The following COL12A1 variants were observed in gnomAD, a reference collection of about 807,000 sequenced individuals.
The protein encoded by COL12A1 is collagen alpha-1(XII) chain.
A neutral mutation model predicts 349.7 loss-of-function variants in COL12A1; 114 were observed. The ratio of observed to expected loss-of-function variants is 0.33; its 90% confidence interval spans 0.28 to 0.38. The LOEUF (loss-of-function observed/expected upper bound fraction) is 0.38, where lower values mean the gene tolerates loss of function less well. COL12A1 is among the 10% of genes least tolerant of loss of function. COL12A1 has a pLI of 1.00. For missense variants in COL12A1, 3,284 were observed against 3,756.9 expected (o/e 0.87, Z 3.29); for synonymous variants, 1,369 against 1,329.0 (o/e 1.03, Z -0.66).
Position 75,181,230 on chromosome 6 carries a change from AGAC to A in COL12A1, c.1892-22_1892-20del, listed in dbSNP as rs1221385661. ...ACGTAAGCTATTTAAAAAAAAAAAA[AGAC>A]AGTTAAAAATGCTTGAATCTATAAA... On this transcript the variant is annotated intron_variant, in intron 10 of 65. Transcript: ENST00000322507. The A allele has an allele frequency of 1.3e-6, 2 of 1,553,742 alleles. No individual in the cohort carries two copies. The highest frequency in any genetic ancestry group is 2.4e-5 in the South Asian group (2 of 82,914).
At chr6:75,119,517 T>C (rs1769250789) in intron 44 of COL12A1, 44 bp from the exon 45 acceptor site, 1 of 1,559,754 alleles carries the variant, frequency 6.4e-7, no homozygotes, top group East Asian at 2.3e-5. Flanking sequence ...GTCATCTCAT[T>C]TTATGTTTCA....
chr6:75,112,049 T>C (rs1409598490), intron 51 of COL12A1, among the ~76,000 whole-genome samples: 1 of 151,844 alleles, frequency 6.6e-6, no homozygotes, highest in Non-Finnish European at 1.5e-5. Context: ...ACATCTGTCT[T>C]TTATGTATAA....
At chr6:75,139,100 AC>A in intron 27 of COL12A1, 139 bp from the exon 28 acceptor site, 1 of 887,786 alleles carries the variant, frequency 1.1e-6, no homozygotes, top group South Asian at 1.9e-5. Flanking sequence ...CAAATATTTC[AC>A]CAATTCCTAG....
At position 75,121,342 on chromosome 6, in the gene COL12A1, G is replaced by A. The variant is rs1231345150; in HGVS notation, c.7046C>T (p.Thr2349Ile). 6.2e-7 allele frequency: 1 copy of A among 1,612,268 alleles called. No homozygotes were observed. The highest frequency in any genetic ancestry group is 8.5e-7 in the Non-Finnish European group (1 of 1,178,764). The change falls in exon 44 of 66, where the codon ACT (threonine) becomes ATT (isoleucine). Residue 2349 changes from threonine to isoleucine, a missense_variant. Thr to Ile is a moderately conservative substitution (Grantham distance 89, BLOSUM62 -1). Around this residue, in one of 2 missense-constraint regions of COL12A1, gnomAD observed 683 missense variants for 932.1 expected, o/e 0.73. Transcript: ENST00000322507. ...FNKVVKFIFN[T>I]VGGFDEISPA... ...ACTGATTTCATCAAAGCCTCCCACA[G>A]TATTGAAGATGAATTTTACAACTTT...
intron 13 of COL12A1, among the ~76,000 whole-genome samples, chr6:75,174,412 C>T (rs1165558443): frequency 6.6e-6 from 1 of 152,062 alleles, no homozygotes; most frequent in Non-Finnish European, 1.5e-5. Context: ...AAAAATTAGC[C>T]AGGCGTGGTG....
chr6:75,101,744 T>A (rs1768315937), intron 57 of COL12A1, 91 bp from the exon 58 acceptor site: 1 of 1,392,660 alleles, frequency 7.2e-7, no homozygotes, highest in African/African-American at 1.4e-5. Flanking sequence ...TTTTTTTAAT[T>A]CCAGAGACTC....
At chr6:75,137,721 G>T (rs1766695013) in intron 30 of COL12A1, 142 bp from the exon 31 acceptor site, 2 of 914,244 alleles carry the variant, frequency 2.2e-6, no homozygotes, top group Non-Finnish European at 3.3e-6. Context: ...AATGGTTATT[G>T]ATTCTTAAAT....
chr6:75,166,554 T>G (rs1582164063), intron 13 of COL12A1, among the ~76,000 whole-genome samples: 2 of 152,150 alleles, frequency 1.3e-5, no homozygotes, highest in East Asian at 3.8e-4. Flanking sequence ...CACAAATGTC[T>G]TTCAATAAAA....
At chr6:75,113,126 A>G in intron 51 of COL12A1, 78 bp downstream of exon 51, 1 of 722,616 alleles carries the variant, frequency 1.4e-6, no homozygotes, top group African/African-American at 1.9e-5. Flanking sequence ...TGCCAATTTA[A>G]CATGACATTT....
chr6:75,187,264 G>T (rs1158342945), intron 8 of COL12A1, among the ~76,000 whole-genome samples: 1 of 151,316 alleles, frequency 6.6e-6, no homozygotes. Flanking sequence ...GGATACAGAG[G>T]CAGTACAGGC....
At chr6:75,111,309 G>A (rs947705018) in intron 51 of COL12A1, among the ~76,000 whole-genome samples, 8 of 151,786 alleles carry the variant, frequency 5.3e-5, no homozygotes, top group Non-Finnish European at 7.4e-5. Flanking sequence ...GAGCTTGTGA[G>A]GAGAAAAAAT....
rs17186509 is a variant in COL12A1, at chr6:75,117,312, T to C, written c.7519+70A>G. The C allele has an allele frequency of 0.24, 353,302 of 1,491,812 alleles. 46,431 individuals are homozygous for C. The highest frequency in any genetic ancestry group is 0.27 in the Non-Finnish European group (298,351 of 1,086,678). 92.4% of individuals were successfully genotyped at this position (1,491,812 alleles called of 1,614,324 possible). On this transcript the variant is annotated intron_variant, in intron 47 of 65. Transcript: ENST00000322507. Reference sequence around the variant, plus strand: ...CACAGACTTGATCCCACAAAGGATATAGAATTGTCTACTAAGTAATTGTTT... The same window carrying C: ...CACAGACTTGATCCCACAAAGGATACAGAATTGTCTACTAAGTAATTGTTT...
intron 11 of COL12A1, among the ~76,000 whole-genome samples, chr6:75,179,445 C>CTTCT (rs1406429012): frequency 6.6e-6 from 1 of 151,904 alleles, no homozygotes; most frequent in Non-Finnish European, 1.5e-5. Context: ...TGAGTACAGC[C>CTTCT]TTCTCCCTTA....
At chr6:75,174,297 C>T (rs1768795718) in intron 13 of COL12A1, among the ~76,000 whole-genome samples, 1 of 152,130 alleles carries the variant, frequency 6.6e-6, no homozygotes, top group South Asian at 2.1e-4. Flanking sequence ...GTGGCTCAGG[C>T]CTGTAATCCC....
chr6:75,175,916 A>G (rs758092427), intron 12 of COL12A1, among the ~76,000 whole-genome samples: 32 of 152,296 alleles, frequency 2.1e-4, no homozygotes, highest in Middle Eastern at 3.4e-3. Context: ...TTCTTTGTAG[A>G]TTGGTCATGT....
At chr6:75,166,077 T>TA (rs1056403053) in intron 13 of COL12A1, among the ~76,000 whole-genome samples, 1 of 151,430 alleles carries the variant, frequency 6.6e-6, no homozygotes, top group African/African-American at 2.4e-5. Context: ...TATTTGTCTT[T>TA]AAAAAAAAAT....
In COL12A1 at chr6:75,155,753, T is replaced by C; in HGVS notation, c.3352A>G (p.Lys1118Glu). ...TCCCCCGTAGGGTGGAATGTGACTTTATAACCCTTCACTTCCCCAGGGGCA... is the reference window on the plus strand; with the variant it reads ...TCCCCCGTAGGGTGGAATGTGACTTCATAACCCTTCACTTCCCCAGGGGCA... ...EPAPGEVKGY[K>E]VTFHPTGDDR... is the part of the protein sequence containing the mutation. Residue 1118 changes from lysine (K) to glutamate (E), a missense_variant, in exon 16 of 66, where the codon AAA (lysine) becomes GAA (glutamate). By Grantham distance (56) the Lys-to-Glu change is moderately conservative. Transcript: ENST00000322507. 6.2e-7 allele frequency: 1 copy of C among 1,613,724 alleles called. No homozygotes were observed.
intron 14 of COL12A1, among the ~76,000 whole-genome samples, chr6:75,163,873 T>C (rs1026245821): frequency 5.9e-5 from 9 of 152,170 alleles, no homozygotes; most frequent in African/African-American, 2.2e-4. Flanking sequence ...GCCTCCAACT[T>C]TTTGGAAAAA....
chr6:75,187,638 G>A (rs748772400), intron 8 of COL12A1, among the ~76,000 whole-genome samples: 1 of 152,122 alleles, frequency 6.6e-6, no homozygotes, highest in Non-Finnish European at 1.5e-5. Flanking sequence ...TTGACAAAAT[G>A]TTCAGAGATT....
Sources: allele counts gnomAD v4.1 joint callset (sites outside exome capture counted in the v4.1 genomes callset), GRCh38; gene constraint gnomAD v4.1.1; regional missense constraint gnomAD v4.1.1; transcripts MANE v1.5; gene names NCBI Gene and HGNC (gene_info 2026-07-23, HGNC 2026-07-21).